Variants in ABR observed in about 807,000 individuals in gnomAD.
ABR encodes active breakpoint cluster region-related protein.
Under a neutral mutation model 107.2 loss-of-function variants are expected in ABR, and 35 were observed. That is an observed-to-expected ratio of 0.33 (90% CI 0.25 to 0.43). ABR has a LOEUF of 0.43. ABR is among the 20% of genes least tolerant of loss of function. ABR has a pLI of 1.00. For missense variants in ABR, 815 were observed against 1,115.2 expected (o/e 0.73, Z 3.83); for synonymous variants, 498 against 462.0 (o/e 1.08, Z -1.00).
chr17:1,062,560 C>A (rs2034130261), intron 10 of ABR, among the ~76,000 whole-genome samples: 1 of 134,032 alleles, frequency 7.5e-6, no homozygotes, highest in African/African-American at 2.8e-5. Context: ...GAGGGCTATG[C>A]ATGTTCCTCT....
intron 2 of ABR, among the ~76,000 whole-genome samples, chr17:1,121,974 C>T (rs1375982524): frequency 1.3e-5 from 2 of 152,218 alleles, no homozygotes; most frequent in Non-Finnish European, 2.9e-5. Context: ...AAGATCTCGG[C>T]TCGCTGCAAC....
rs376085715 is a variant in ABR at position 1,138,857 on chromosome 17, GGAA to G, written c.62-13493_62-13491del. Reference sequence around the variant, plus strand: ...GACCGGAGAGACCGATATGGAGAAGGGAAGGACTGTTTATTTTAGGTATGCACT... The same window carrying G: ...GACCGGAGAGACCGATATGGAGAAGGGGACTGTTTATTTTAGGTATGCACT... On this transcript the variant is annotated intron_variant, in intron 1 of 22. Coordinates refer to ENST00000302538, the MANE Select transcript of ABR (RefSeq NM_021962.5). Among the ~76,000 whole-genome samples, 419 of 152,314 alleles carry G rather than the reference GGAA, an allele frequency of 2.8e-3. 1 individual carries two copies. Among genetic ancestry groups the G allele is most frequent in the African/African-American group, 9.7e-3 (402 of 41,568 alleles).
At chr17:1,153,960 C>T (rs763800999) in intron 1 of ABR, 6 of 167,794 alleles carry the variant, frequency 3.6e-5, no homozygotes, top group East Asian at 1.9e-4. Flanking sequence ...GCCTGCCAGG[C>T]GGGGCTGATG....
intron 10 of ABR, among the ~76,000 whole-genome samples, chr17:1,065,405 C>T (rs28545411): frequency 1.6e-5 from 1 of 62,948 alleles, no homozygotes. Context: ...GCTGCTGTTA[C>T]GTGAACTGAG....
chr17:1,179,906 C>T lies in ABR; in HGVS notation c.-179G>A. 1.8e-6 allele frequency: 1 copy of T among 540,862 alleles called. No homozygotes were observed. Among genetic ancestry groups the T allele is most frequent in the Non-Finnish European group, 2.9e-6 (1 of 342,298 alleles). The allele number at this position is 540,862 out of a possible 1,614,324, so 33.5% of individuals were successfully genotyped here. A position where few individuals can be genotyped will look rare whatever the true frequency, so the allele number is the denominator to read the frequency against. On this transcript the variant is annotated 5_prime_UTR_variant, in exon 1 of 23. Coordinates refer to ENST00000302538, the MANE Select transcript of ABR (RefSeq NM_021962.5). The surrounding 1 kb of genome is among the most constrained non-coding windows in gnomAD (Gnocchi z 4.9). ...GGCAGGGGCGAGGGCGGGGCGGGAGCCCCCAAAACCCTCCCGAACCCTCCC... is the reference window on the plus strand; with the variant it reads ...GGCAGGGGCGAGGGCGGGGCGGGAGTCCCCAAAACCCTCCCGAACCCTCCC...
intron 3 of ABR, among the ~76,000 whole-genome samples, chr17:1,093,864 T>C (rs1033219218): frequency 6.6e-6 from 1 of 152,172 alleles, no homozygotes; most frequent in African/African-American, 2.4e-5. Flanking sequence ...GACACCCAGA[T>C]GGTGCTCTGC....
intron 2 of ABR, among the ~76,000 whole-genome samples, chr17:1,108,057 G>C (rs2151381003): frequency 6.6e-6 from 1 of 152,230 alleles, no homozygotes; most frequent in South Asian, 2.1e-4. Context: ...CCGCCGATGG[G>C]CACTCGGTTA....
chr17:1,141,769 T>G (rs1597953702), intron 1 of ABR, among the ~76,000 whole-genome samples: 1 of 151,930 alleles, frequency 6.6e-6, no homozygotes, highest in East Asian at 1.9e-4. Context: ...AAATTCTTTT[T>G]TTTTTTGGAG....
chr17:1,094,210 G>A (rs1001225079), intron 3 of ABR, among the ~76,000 whole-genome samples: 4 of 152,150 alleles, frequency 2.6e-5, no homozygotes, highest in African/African-American at 9.7e-5. Flanking sequence ...TGCAGGCCAG[G>A]CAGGGTGGGC....
Position 1,079,346 on chromosome 17 carries a change from C to G in ABR, c.684G>C (p.Thr228=), listed in dbSNP as rs369120447. 5.0e-6 allele frequency: 8 copies of G among 1,613,506 alleles called. No homozygotes were observed. Among genetic ancestry groups the G allele is most frequent in the Middle Eastern group, 1.6e-4 (1 of 6,062 alleles). ...CCGAGGTACCTTCCATGGTGACAGA[C>G]GTGTGGCTGTCCTTGGAGTCCTTGG... ...KGPKDSKDSH[T]SVTMEALLYK... Residue 228 remains threonine (T), a synonymous_variant, in exon 6 of 23, where the codon ACG becomes ACC. Transcript: ENST00000302538.
intron 3 of ABR, among the ~76,000 whole-genome samples, chr17:1,097,136 G>A (rs1449139217): frequency 1.3e-5 from 2 of 152,210 alleles, no homozygotes; most frequent in Admixed American, 1.3e-4. Context: ...AGGCTCGTGG[G>A]TGGCAGGTGG....
At chr17:1,066,479 G>C (rs1294930322) in intron 10 of ABR, among the ~76,000 whole-genome samples, 1 of 151,684 alleles carries the variant, frequency 6.6e-6, no homozygotes, top group East Asian at 1.9e-4. Flanking sequence ...CACAGGTCCT[G>C]CTTTTCCTTA....
intron 1 of ABR, among the ~76,000 whole-genome samples, chr17:1,213,210 T>C (rs1017278514): frequency 2.0e-4 from 30 of 152,198 alleles, no homozygotes; most frequent in African/African-American, 6.0e-4. Flanking sequence ...AATGATGAGA[T>C]GTGAAGCTGC....
At chr17:1,138,362 G>C (rs2040163730) in intron 1 of ABR, among the ~76,000 whole-genome samples, 1 of 152,196 alleles carries the variant, frequency 6.6e-6, no homozygotes, top group South Asian at 2.1e-4. Flanking sequence ...GGACACTGAA[G>C]ATGTTCCATA....
intron 1 of ABR, among the ~76,000 whole-genome samples, chr17:1,162,050 C>T (rs927561812): frequency 2.6e-5 from 4 of 152,170 alleles, no homozygotes; most frequent in African/African-American, 7.2e-5. Flanking sequence ...ACGCTGGGTT[C>T]GAATCCAGGC....
intron 16 of ABR, among the ~76,000 whole-genome samples, chr17:1,022,139 C>T (rs2071738406): frequency 8.1e-6 from 1 of 123,490 alleles, no homozygotes; most frequent in Non-Finnish European, 1.6e-5. Flanking sequence ...AAAATGACTC[C>T]AGAAGGACCT....
intron 1 of ABR, among the ~76,000 whole-genome samples, chr17:1,196,915 C>T (rs1174789103): frequency 6.6e-6 from 1 of 151,832 alleles, no homozygotes; most frequent in Non-Finnish European, 1.5e-5. Flanking sequence ...AGGATGGTCT[C>T]AATCTCCTGA....
chr17:1,023,118 T>TGCAGAGCCTCTGCCGGCCCC (rs1567594533), intron 16 of ABR, among the ~76,000 whole-genome samples: 7 of 142,992 alleles, frequency 4.9e-5, no homozygotes, highest in African/African-American at 1.9e-4. Flanking sequence ...CCACGTCCAC[T>TGCAGAGCCTCTGCCGGCCCC]ACAGCGCCTC....
At position 1,078,963 on chromosome 17, in the gene ABR, G is replaced by C. The variant is rs916282408; in HGVS notation, c.700+367C>G. 5.9e-6 allele frequency: 9 copies of C among 1,514,596 alleles called. No individual in the cohort carries two copies. The highest frequency in any genetic ancestry group is 7.1e-6 in the Non-Finnish European group (8 of 1,134,366). 93.8% of individuals were successfully genotyped at this position (1,514,596 alleles called of 1,614,324 possible). ...AGCCACCTTGCTGATGCTGCCGCAC[G>C]GACTCCAGCATCGGGCAGCCGCTCC... On this transcript the variant is annotated intron_variant, in intron 6 of 22. Transcript: ENST00000302538. This position sits in a 1 kb window ranked among gnomAD's most constrained non-coding sequence, Gnocchi z 7.5.
Sources: allele counts gnomAD v4.1 joint callset (sites outside exome capture counted in the v4.1 genomes callset), GRCh38; gene constraint gnomAD v4.1.1; non-coding constraint Gnocchi (gnomAD v3.1); transcripts MANE v1.5; gene names NCBI Gene and HGNC (gene_info 2026-07-23, HGNC 2026-07-21).